Variants in MACF1 observed in about 807,000 individuals in gnomAD.
The protein encoded by MACF1 is microtubule-actin cross-linking factor 1.
In MACF1, 193 loss-of-function variants were observed where a neutral mutation model predicts 854.8. That is an observed-to-expected ratio of 0.23 (90% CI 0.20 to 0.25). MACF1 has a LOEUF of 0.25. Among genes scored for constraint, MACF1 ranks in the 10% least tolerant of loss-of-function variants. MACF1 has a pLI of 1.00. For missense variants in MACF1, 7,722 were observed against 8,929.1 expected, an observed-to-expected ratio of 0.86 and a Z score of 5.45; for synonymous variants, 3,185 against 3,226.7, an observed-to-expected ratio of 0.99 and a Z score of 0.44.
Position 39,324,332 on chromosome 1 carries a change from T to C in MACF1, c.4376T>C (p.Ile1459Thr). The C allele has an allele frequency of 6.2e-7, 1 of 1,613,568 alleles. No homozygotes were observed. Residue 1459 changes from isoleucine to threonine, a missense_variant, in exon 34 of 101, where the codon ATT becomes ACT. Ile to Thr is a moderately conservative substitution (Grantham distance 89). Transcript: ENST00000564288. ...TKESTDIEKA[I>T]LEQQVLSEEL... ...GAATCAACAGACATTGAAAAAGCTA[T>C]TTTGGAACAGCAGGTGAGAAGAAGG... is the stretch of plus-strand genomic sequence containing the variant.
At chr1:39,443,307 A>G in intron 78 of MACF1, 139 bp from the exon 79 acceptor site, 2 of 784,100 alleles carry the variant, frequency 2.6e-6, no homozygotes, top group South Asian at 3.7e-5. Flanking sequence ...GCCCCATGCT[A>G]ATCTAGCAAC....
At position 39,387,940 on chromosome 1, in the gene MACF1, T is replaced by C. The variant is rs1359153293; in HGVS notation, c.15098T>C (p.Leu5033Pro). 1 of 1,613,892 alleles carries C rather than the reference T, an allele frequency of 6.2e-7. No homozygotes were observed. The highest frequency in any genetic ancestry group is 1.3e-5 in the African/African-American group (1 of 74,892). The stretch of plus-strand genomic sequence containing the variant: ...AAGGTTGAAGGAGCCAAACACCAAC[T>C]TGAGATCTTTGATGCTCTGGGTTCT... The part of the protein sequence containing the change: ...EKKVEGAKHQ[L>P]EIFDALGSQA... The change falls in exon 58 of 101, where the codon CTT becomes CCT. Residue 5033 changes from leucine to proline, a missense_variant. By Grantham distance (98) the Leu-to-Pro change is moderately conservative. Around this residue, in one of 15 missense-constraint regions of MACF1, gnomAD observed 2,807 missense variants for 3,235.8 expected, o/e 0.87. Coordinates refer to ENST00000564288, the MANE Select transcript of MACF1 (RefSeq NM_001394062.1).
upstream of MACF1, among the ~76,000 whole-genome samples, chr1:39,203,627 C>T (rs1404717069): frequency 2.0e-5 from 3 of 152,206 alleles, no homozygotes; most frequent in Non-Finnish European, 4.4e-5. Flanking sequence ...TTCCCTCATT[C>T]TCAGCCTCTT....
intron 58 of MACF1, chr1:39,410,899 T>C (rs1557637789): frequency 6.2e-7 from 1 of 1,614,024 alleles, no homozygotes; most frequent in Non-Finnish European, 8.5e-7. Context: ...TTTTAAAAAC[T>C]TAAGTGGAGA....
At chr1:39,343,412 C>G (rs1464813748) in intron 40 of MACF1, among the ~76,000 whole-genome samples, 1 of 152,208 alleles carries the variant, frequency 6.6e-6, no homozygotes, top group Non-Finnish European at 1.5e-5. Flanking sequence ...TTTTTATACC[C>G]TTTATCCAAA....
chr1:39,108,517 T>G lies in MACF1; in HGVS notation c.220+24079T>G, dbSNP rs997155290. On this transcript the variant is annotated intron_variant, in intron 2 of 93. Coordinates refer to the MACF1 transcript ENST00000361689. ...GGTGACATGAGAGGGTTTTTTTTTT[T>G]TTTTTTTTTTTGAGACGGAGTCTCA... 6.7e-5 allele frequency among the ~76,000 whole-genome samples: 10 copies of G among 149,734 alleles called. No homozygotes were observed. In the East Asian group the frequency reaches 7.8e-4, roughly 12 times the overall value.
chr1:39,399,371 C>CTTTTT lies in MACF1; in HGVS notation c.15816+10730_15816+10734dup, dbSNP rs1330401656. On this transcript the variant is annotated intron_variant, in intron 58 of 100. Coordinates refer to ENST00000564288, the MANE Select transcript of MACF1 (RefSeq NM_001394062.1). Reference sequence around the variant, plus strand: ...AGCTCAAGTCCACTTCTTTATAAAGCTTTTTTTTTTTTTTTTTTTTTGAGA... The same window carrying CTTTTT: ...AGCTCAAGTCCACTTCTTTATAAAGCTTTTTTTTTTTTTTTTTTTTTTTTTTGAGA... 1.2e-3 allele frequency among the ~76,000 whole-genome samples: 113 copies of CTTTTT among 96,738 alleles called. 1 individual carries two copies. The highest frequency in any genetic ancestry group is 3.2e-3 in the East Asian group (10 of 3,118). 63.5% of individuals were successfully genotyped at this position (96,738 alleles called of 152,430 possible). A position where few individuals can be genotyped will look rare whatever the true frequency, so the allele number is the denominator to read the frequency against.
chr1:39,339,850 CAG>C (rs1455790415), intron 38 of MACF1, among the ~76,000 whole-genome samples: 12 of 152,148 alleles, frequency 7.9e-5, no homozygotes, highest in African/African-American at 2.9e-4. Context: ...ACCATGAAGA[CAG>C]ATTGTAGTGG....
In MACF1 at chr1:39,430,802, G is replaced by A. The variant is rs1421483946; in HGVS notation, c.17231G>A (p.Gly5744Glu). ...LELVPWRARE[G>E]LDKLVSDANE... ...CTGGTGCCCTGGAGAGCCAGAGAAG[G>A]GCTGGATAAACTTGTGTCCGATGCT... Residue 5744 changes from glycine (G) to glutamate (E), a missense_variant, in exon 66 of 101, where the codon GGG becomes GAG. By Grantham distance (98) the Gly-to-Glu change is moderately conservative. This residue lies in a region of MACF1 where 2,807 missense variants were observed against 3,235.8 expected (regional missense o/e 0.87). Coordinates refer to ENST00000564288, the MANE Select transcript of MACF1 (RefSeq NM_001394062.1). 1 of 1,612,606 alleles carries A rather than the reference G, an allele frequency of 6.2e-7. No homozygotes were observed. Among genetic ancestry groups the A allele is most frequent in the Admixed American group, 1.7e-5 (1 of 60,012 alleles).
At chr1:39,302,822 A>G in intron 22 of MACF1, 102 bp from the exon 23 acceptor site, 1 of 1,146,748 alleles carries the variant, frequency 8.7e-7, no homozygotes, top group Admixed American at 2.4e-5. Flanking sequence ...TTTCTTAAGC[A>G]GATTTTTTTC....
chr1:39,338,920 T>TA (rs1646876213), intron 38 of MACF1, among the ~76,000 whole-genome samples: 1 of 152,078 alleles, frequency 6.6e-6, no homozygotes, highest in South Asian at 2.1e-4. Context: ...AAGCTTCTGA[T>TA]ACAAAAGGAG....
rs1196799010 is a variant in MACF1 at position 39,429,870 on chromosome 1, G to T, written c.16932G>T (p.Lys5644Asn). ...LLIQEKLDGI[K>N]TRYADITVTS... ...TCCAGGAAAAACTAGATGGTATAAA[G>T]ACTCGTTACGCAGACATCACAGTTA... Residue 5644 changes from lysine (K) to asparagine (N), a missense_variant, in exon 65 of 101, where the codon AAG becomes AAT. By Grantham distance (94) the Lys-to-Asn change is moderately conservative. This residue lies in a region of MACF1 where 2,807 missense variants were observed against 3,235.8 expected (regional missense o/e 0.87). Coordinates refer to ENST00000564288, the MANE Select transcript of MACF1 (RefSeq NM_001394062.1). 1 of 1,614,104 alleles carries T rather than the reference G, an allele frequency of 6.2e-7. No individual in the cohort carries two copies. The highest frequency in any genetic ancestry group is 2.2e-5 in the East Asian group (1 of 44,886).
chr1:39,463,805 C>G, intron 94 of MACF1, 119 bp downstream of exon 94: 1 of 797,302 alleles, frequency 1.3e-6, no homozygotes, highest in Non-Finnish European at 2.1e-6. Flanking sequence ...TGGTCACTCT[C>G]TGACCTCATC....
chr1:39,233,451 C>T (rs1172347454), intron 2 of MACF1, among the ~76,000 whole-genome samples: 1 of 152,174 alleles, frequency 6.6e-6, no homozygotes, highest in African/African-American at 2.4e-5. Flanking sequence ...GCGGCTGTGC[C>T]TCAAACAGTG....
intron 49 of MACF1, among the ~76,000 whole-genome samples, chr1:39,364,633 C>T (rs1466910619): frequency 6.6e-6 from 1 of 152,034 alleles, no homozygotes; most frequent in Non-Finnish European, 1.5e-5. Context: ...GCTGGGACTA[C>T]AGGTGCCTGC....
chr1:39,427,997 G>A lies in MACF1; in HGVS notation c.16513G>A (p.Val5505Met), dbSNP rs574408418. 2.9e-5 allele frequency: 47 copies of A among 1,614,038 alleles called. No individual in the cohort carries two copies. Among genetic ancestry groups the A allele is most frequent in the Non-Finnish European group, 3.7e-5 (44 of 1,180,028 alleles). The change falls in exon 63 of 101, where the codon GTG becomes ATG. Residue 5505 changes from valine to methionine, a missense_variant. Transcript: ENST00000564288. ...EEDIENHATDVHQAVKIGQSL... is the reference protein window; with the variant it reads ...EEDIENHATDMHQAVKIGQSL... ...AGACATAGAAAACCATGCAACAGAT[G>A]TGCACCAGGCAGTCAAAATTGGGCA... is the stretch of plus-strand genomic sequence containing the variant.
intron 2 of MACF1, among the ~76,000 whole-genome samples, chr1:39,190,966 CTGAG>C (rs1644248683): frequency 6.6e-6 from 1 of 152,196 alleles, no homozygotes. Context: ...GCACTCCAGC[CTGAG>C]TGACAGAGTG....
In MACF1 at chr1:39,376,810, GGCCCACGCAATCA is replaced by G. The variant is rs1474715739; in HGVS notation, c.13214-1644_13214-1632del. Among the ~76,000 whole-genome samples the G allele has an allele frequency of 2.6e-5, 4 of 151,732 alleles. No individual in the cohort carries two copies. In the South Asian group the frequency reaches 6.2e-4, roughly 24 times the overall value. On this transcript the variant is annotated intron_variant, in intron 52 of 100. Coordinates refer to ENST00000564288, the MANE Select transcript of MACF1 (RefSeq NM_001394062.1). Reference sequence around the variant, plus strand: ...GGCTCTCTGTAGCTTTGACCTCCTAGGCCCACGCAATCAGCCCACCTCAAGCTCCTGAGTAGCT... The same window carrying G: ...GGCTCTCTGTAGCTTTGACCTCCTAGGCCCACCTCAAGCTCCTGAGTAGCT...
intron 58 of MACF1, among the ~76,000 whole-genome samples, chr1:39,408,751 C>T (rs1158222706): frequency 3.3e-5 from 5 of 152,208 alleles, no homozygotes; most frequent in South Asian, 4.1e-4. Context: ...TGCGCCCTCT[C>T]CGGGGGCGGG....
Sources: gnomAD v4.1 joint callset for allele counts (sites outside exome capture counted in the v4.1 genomes callset) on GRCh38, gnomAD v4.1.1 for gene constraint, gnomAD v4.1.1 regional missense constraint, MANE v1.5 for transcripts, NCBI Gene and HGNC (gene_info 2026-07-23, HGNC 2026-07-21) for gene names.